Variants in NTPCR observed in about 807,000 individuals in gnomAD.
NTPCR encodes nucleoside-triphosphatase, cancer-related.
NTPCR carries 15 observed loss-of-function variants against 19.5 expected under a neutral mutation model. The observed-to-expected ratio is 0.77, with a 90% CI of 0.51 to 1.18. The LOEUF (loss-of-function observed/expected upper bound fraction) is 1.18. Among genes scored for constraint, NTPCR ranks in the 50% most tolerant of loss-of-function variants. The pLI, the probability that NTPCR is intolerant of heterozygous loss-of-function variation, is 0.00. For missense variants in NTPCR, 206 were observed against 240.4 expected (o/e 0.86, Z 0.95); for synonymous variants, 90 against 95.8 (o/e 0.94, Z 0.36).
rs1021717740 is a variant in NTPCR at position 232,983,858 on chromosome 1, A to C, written c.*5627A>C. 6.5e-6 allele frequency: 1 copy of C among 153,516 alleles called. No homozygotes were observed. The highest frequency in any genetic ancestry group is 2.4e-5 in the African/African-American group (1 of 41,522). The allele number at this position is 153,516 out of a possible 1,614,324, so 9.5% of individuals were successfully genotyped here. ...TTCATTTCTTTTTCATGGTAACAGTAATGTATAAAGTGCCGATGATGTAAC... is the reference window on the plus strand; with the variant it reads ...TTCATTTCTTTTTCATGGTAACAGTCATGTATAAAGTGCCGATGATGTAAC... On this transcript the variant is annotated 3_prime_UTR_variant, in exon 5 of 5. Coordinates refer to ENST00000366628, the MANE Select transcript of NTPCR (RefSeq NM_032324.3).
At position 232,955,591 on chromosome 1, in the gene NTPCR, T is replaced by C; in HGVS notation, c.69T>C (p.Ser23=). ...AAACAACATTGATCCATAAAGCCAGTGAGGTTTTAAAATCCTCTGGTGTGC... is the reference window on the plus strand; with the variant it reads ...AAACAACATTGATCCATAAAGCCAGCGAGGTTTTAAAATCCTCTGGTGTGC... ...VGKTTLIHKA[S]EVLKSSGVPV... The change falls in exon 2 of 5, where the codon AGT becomes AGC. Residue 23 remains serine, a synonymous_variant. Transcript: ENST00000366628. 2 of 1,609,998 alleles carry C rather than the reference T, an allele frequency of 1.2e-6. No homozygotes were observed. The highest frequency in any genetic ancestry group is 4.5e-5 in the East Asian group (2 of 44,766).
intron 1 of NTPCR, 83 bp from the exon 2 acceptor site, chr1:232,955,474 G>T: frequency 3.4e-6 from 4 of 1,181,430 alleles, no homozygotes; most frequent in East Asian, 2.6e-5. Context: ...CTGCCTCAGA[G>T]TCCACAAGTG....
chr1:232,968,305 G>C (rs1353164283), intron 3 of NTPCR: 1 of 152,200 alleles, frequency 6.6e-6, no homozygotes, highest in Non-Finnish European at 1.5e-5. Flanking sequence ...CTAATAAAAT[G>C]AATGGAAAAA....
chr1:232,977,317 G>T (rs1243998353), intron 4 of NTPCR: 2 of 152,560 alleles, frequency 1.3e-5, no homozygotes, highest in African/African-American at 4.8e-5. Flanking sequence ...GCTCCATGAG[G>T]TCAGGGTCCT....
rs1381784653 is a variant in NTPCR at position 232,983,116 on chromosome 1, AAG to A, written c.*4889_*4890del. On this transcript the variant is annotated 3_prime_UTR_variant, in exon 5 of 5. Coordinates refer to ENST00000366628, the MANE Select transcript of NTPCR (RefSeq NM_032324.3). ...CATTACCATTTACTTTCCAAGGGGC[AAG>A]AGATTCTCTACAATACCCTTCCCCC... 1 of 152,170 alleles carries A rather than the reference AAG, an allele frequency of 6.6e-6. No homozygotes were observed. The highest frequency in any genetic ancestry group is 2.4e-5 in the African/African-American group (1 of 41,454). The allele number at this position is 152,170 out of a possible 1,614,324, so 9.4% of individuals were successfully genotyped here. A position where few individuals can be genotyped will look rare whatever the true frequency, so the allele number is the denominator to read the frequency against.
chr1:232,953,609 T>TA (rs146024814), intron 1 of NTPCR, among the ~76,000 whole-genome samples: 40,805 of 151,694 alleles, frequency 0.27, 5,531 homozygotes, highest in African/African-American at 0.31. Flanking sequence ...GTATAAGAAT[T>TA]AAAAAAAACA....
At chr1:232,974,204 A>T (rs1192458174) in intron 4 of NTPCR, among the ~76,000 whole-genome samples, 2 of 152,240 alleles carry the variant, frequency 1.3e-5, no homozygotes, top group African/African-American at 2.4e-5. Context: ...CAGATTTCTC[A>T]GGAGAAACCA....
At chr1:232,955,166 C>T (rs1357559057) in intron 1 of NTPCR, among the ~76,000 whole-genome samples, 1 of 152,150 alleles carries the variant, frequency 6.6e-6, no homozygotes, top group East Asian at 1.9e-4. Flanking sequence ...GCCCCTGACT[C>T]AAGTGTGACC....
chr1:232,966,099 A>T (rs940133648), intron 3 of NTPCR: 1 of 152,228 alleles, frequency 6.6e-6, no homozygotes, highest in Non-Finnish European at 1.5e-5. Context: ...ATAAACACAC[A>T]TAAAATATGA....
chr1:232,964,698 C>T (rs980735361), intron 3 of NTPCR: 1 of 152,168 alleles, frequency 6.6e-6, no homozygotes, highest in Non-Finnish European at 1.5e-5. Context: ...TTTTTCCACT[C>T]TAAGCTGTGC....
Position 232,978,840 on chromosome 1 carries a change from T to C in NTPCR, c.*609T>C, listed in dbSNP as rs1285755374. 1 of 152,230 alleles carries C rather than the reference T, an allele frequency of 6.6e-6. No individual in the cohort carries two copies. The highest frequency in any genetic ancestry group is 1.5e-5 in the Non-Finnish European group (1 of 68,062). The allele number at this position is 152,230 out of a possible 1,614,324, so 9.4% of individuals were successfully genotyped here. ...GAGGAATACACAACCTTTGGAAGTG[T>C]TGATAGCATCTGATATTCAGCCGAC... is the stretch of plus-strand genomic sequence containing the variant. On this transcript the variant is annotated 3_prime_UTR_variant, in exon 5 of 5. Transcript: ENST00000366628.
In NTPCR at chr1:232,981,457, G is replaced by A. The variant is rs1421760195; in HGVS notation, c.*3226G>A. ...ATGGCGGATGCTTGTGTAGCATAGT[G>A]ACTTGGGACAAAACAGCATGGTAGA... On this transcript the variant is annotated 3_prime_UTR_variant, in exon 5 of 5. Transcript: ENST00000366628. 6.6e-6 allele frequency: 1 copy of A among 152,228 alleles called. No individual in the cohort carries two copies. The highest frequency in any genetic ancestry group is 1.9e-4 in the East Asian group (1 of 5,196). 9.4% of individuals were successfully genotyped at this position (152,228 alleles called of 1,614,324 possible).
At chr1:232,961,701 T>C (rs1411629158) in intron 3 of NTPCR, among the ~76,000 whole-genome samples, 7 of 152,332 alleles carry the variant, frequency 4.6e-5, no homozygotes, top group African/African-American at 1.7e-4. Flanking sequence ...TTTACCTATA[T>C]ATTTCTTCTT....
rs1370294447 is a variant in NTPCR, at chr1:232,981,597, AC to A, written c.*3367del. ...ATTACTTGCCAGATGATTTCAACAC[AC>A]TGCAAAATTTAGAATCAATAATGCC... On this transcript the variant is annotated 3_prime_UTR_variant, in exon 5 of 5. Transcript: ENST00000366628. 2 of 152,212 alleles carry A rather than the reference AC, an allele frequency of 1.3e-5. No homozygotes were observed. Among genetic ancestry groups the A allele is most frequent in the Admixed American group, 6.5e-5 (1 of 15,276 alleles). The allele number at this position is 152,212 out of a possible 1,614,324, so 9.4% of individuals were successfully genotyped here.
At chr1:232,950,879 G>T in intron 1 of NTPCR, 135 bp downstream of exon 1, 1 of 610,652 alleles carries the variant, frequency 1.6e-6, no homozygotes, top group Non-Finnish European at 2.9e-6. Context: ...TAAATGGCGG[G>T]CTTGGTAGTC....
At chr1:232,971,292 A>G (rs1008927098) in intron 4 of NTPCR, among the ~76,000 whole-genome samples, 2 of 152,178 alleles carry the variant, frequency 1.3e-5, no homozygotes, top group Admixed American at 6.5e-5. Flanking sequence ...TGAACAAGTC[A>G]GGCAGGCAGG....
chr1:232,965,254 A>G (rs1164663749), intron 3 of NTPCR: 2 of 152,202 alleles, frequency 1.3e-5, no homozygotes, highest in South Asian at 2.1e-4. Flanking sequence ...CCTAGATGCT[A>G]TTCTTTATTT....
chr1:232,956,642 A>G (rs1668519925), intron 3 of NTPCR, among the ~76,000 whole-genome samples, 199 bp downstream of exon 3: 1 of 152,236 alleles, frequency 6.6e-6, no homozygotes, highest in South Asian at 2.1e-4. Flanking sequence ...TAAATTCAGT[A>G]CATATAAATA....
chr1:232,960,768 G>A (rs1041645847), intron 3 of NTPCR, among the ~76,000 whole-genome samples: 5 of 152,098 alleles, frequency 3.3e-5, no homozygotes, highest in Non-Finnish European at 5.9e-5. Context: ...CTCTAGTAGG[G>A]TTGACTGTTA....
Sources: allele counts gnomAD v4.1 joint callset (sites outside exome capture counted in the v4.1 genomes callset), GRCh38; gene constraint gnomAD v4.1.1; transcripts MANE v1.5; gene names NCBI Gene and HGNC (gene_info 2026-07-23, HGNC 2026-07-21).